Variants in AGAP1 observed in about 807,000 individuals in gnomAD.
AGAP1 encodes the protein arf-GAP with GTPase, ANK repeat and PH domain-containing protein 1.
AGAP1 carries 29 observed loss-of-function variants against 105.3 expected under a neutral mutation model. That is an observed-to-expected ratio of 0.28 (90% CI 0.21 to 0.38). The LOEUF (loss-of-function observed/expected upper bound fraction) is 0.38. Among genes scored for constraint, AGAP1 ranks in the 10% least tolerant of loss-of-function variants. The pLI is 1.00. For missense variants in AGAP1, 998 were observed against 1,165.1 expected, an observed-to-expected ratio of 0.86 and a Z score of 2.09; for synonymous variants, 509 against 485.9, an observed-to-expected ratio of 1.05 and a Z score of -0.63.
At chr2:235,575,609 A>G (rs956398514) in intron 1 of AGAP1, among the ~76,000 whole-genome samples, 1 of 152,160 alleles carries the variant, frequency 6.6e-6, no homozygotes, top group African/African-American at 2.4e-5. Context: ...CAGGTGTTTG[A>G]CACTAGTATC....
intron 13 of AGAP1, among the ~76,000 whole-genome samples, chr2:236,028,275 C>A (rs930739064): frequency 2.0e-5 from 3 of 152,150 alleles, no homozygotes; most frequent in African/African-American, 7.2e-5. Flanking sequence ...GGGTTTCATT[C>A]TCCGGGAGAG....
intron 1 of AGAP1, among the ~76,000 whole-genome samples, chr2:235,539,186 C>G (rs1156752682): frequency 6.6e-6 from 1 of 152,226 alleles, no homozygotes; most frequent in Non-Finnish European, 1.5e-5. Context: ...TGCATCTAAT[C>G]AGGACTTTTT....
intron 8 of AGAP1, among the ~76,000 whole-genome samples, 167 bp from the exon 9 acceptor site, chr2:235,807,072 G>A (rs1157717027): frequency 6.6e-6 from 1 of 152,238 alleles, no homozygotes; most frequent in Non-Finnish European, 1.5e-5. Context: ...TGATGAGTCA[G>A]TGGAGATGAA....
rs1449630965 is a variant in AGAP1, at chr2:235,901,670, CAG to C, written c.1156-7066_1156-7065del. On this transcript the variant is annotated intron_variant, in intron 10 of 17. Coordinates refer to ENST00000304032, the MANE Select transcript of AGAP1 (RefSeq NM_001037131.3). This position sits in a 1 kb window ranked among gnomAD's most constrained non-coding sequence, Gnocchi z 4.3. ...CCAAGGCGGGTGGGTCACCTGAAGT[CAG>C]AAGTTGGAGACTAGTCTGGCCAACA... is the stretch of plus-strand genomic sequence containing the variant. 6.6e-6 allele frequency among the ~76,000 whole-genome samples: 1 copy of C among 152,172 alleles called. No homozygotes were observed. The highest frequency in any genetic ancestry group is 2.4e-5 in the African/African-American group (1 of 41,438).
chr2:235,796,858 G>T (rs1048742717), intron 6 of AGAP1, among the ~76,000 whole-genome samples: 1 of 152,164 alleles, frequency 6.6e-6, no homozygotes, highest in Non-Finnish European at 1.5e-5. Context: ...CAAATCAAAA[G>T]TGTAGTTATT....
chr2:235,965,729 G>A lies in AGAP1; in HGVS notation c.1484-2733G>A, dbSNP rs1293443034. Among the ~76,000 whole-genome samples the A allele has an allele frequency of 2.0e-5, 3 of 152,182 alleles. No homozygotes were observed. Among genetic ancestry groups the A allele is most frequent in the Non-Finnish European group, 2.9e-5 (2 of 68,036 alleles). ...GGGTAGTAACTTTGGATGAGTGTTT[G>A]CTGTTGAGACTGTGGCTTCAAGGGT... On this transcript the variant is annotated intron_variant, in intron 12 of 17. Coordinates refer to ENST00000304032, the MANE Select transcript of AGAP1 (RefSeq NM_001037131.3). This position sits in a 1 kb window ranked among gnomAD's most constrained non-coding sequence, Gnocchi z 5.8.
At chr2:235,980,984 C>T (rs2055068278) in intron 13 of AGAP1, among the ~76,000 whole-genome samples, 1 of 152,298 alleles carries the variant, frequency 6.6e-6, no homozygotes, top group Non-Finnish European at 1.5e-5. Context: ...TTTTTTGCCT[C>T]CTCCTGTTAT....
At chr2:235,816,528 C>T (rs1055019916) in intron 9 of AGAP1, among the ~76,000 whole-genome samples, 1 of 151,910 alleles carries the variant, frequency 6.6e-6, no homozygotes, top group South Asian at 2.1e-4. Flanking sequence ...AGGTTAAAAT[C>T]CCCACACGTG....
intron 1 of AGAP1, among the ~76,000 whole-genome samples, chr2:235,518,856 G>C (rs1488902183): frequency 6.6e-6 from 1 of 152,162 alleles, no homozygotes; most frequent in Non-Finnish European, 1.5e-5. Flanking sequence ...TTGCCTCGCG[G>C]GTGCACTTCG....
At chr2:235,533,906 C>T (rs1444456122) in intron 1 of AGAP1, among the ~76,000 whole-genome samples, 1 of 152,210 alleles carries the variant, frequency 6.6e-6, no homozygotes, top group African/African-American at 2.4e-5. Flanking sequence ...GCGCTTGCTG[C>T]TTAAACCATG....
chr2:235,617,757 CTAA>C (rs1946353035), intron 1 of AGAP1, among the ~76,000 whole-genome samples: 1 of 152,080 alleles, frequency 6.6e-6, no homozygotes, highest in Non-Finnish European at 1.5e-5. Flanking sequence ...TGCGGCCTGG[CTAA>C]TAGTTTGGAT....
intron 8 of AGAP1, among the ~76,000 whole-genome samples, chr2:235,807,029 C>T (rs910210371): frequency 2.0e-5 from 3 of 152,152 alleles, no homozygotes; most frequent in Non-Finnish European, 4.4e-5. Context: ...GTGGAAAAGT[C>T]AGGGGGAAAG....
At chr2:235,800,158 G>T (rs1957427505) in intron 8 of AGAP1, among the ~76,000 whole-genome samples, 1 of 150,300 alleles carries the variant, frequency 6.7e-6, no homozygotes, top group African/African-American at 2.5e-5. Context: ...CCAGGCTGGA[G>T]TGCAGTGGCT....
rs939884006 is a variant in AGAP1 at position 235,721,472 on chromosome 2, ATAT to A, written c.310+3832_310+3834del. On this transcript the variant is annotated intron_variant, in intron 3 of 17. Coordinates refer to ENST00000304032, the MANE Select transcript of AGAP1 (RefSeq NM_001037131.3). The surrounding 1 kb of genome is among the most constrained non-coding windows in gnomAD (Gnocchi z 4.5). ...ACCTCTTGGATTGACAGATTCCTTA[ATAT>A]TATGTGTGTGTGTGTGTGTGTGTGT... 1.3e-3 allele frequency among the ~76,000 whole-genome samples: 157 copies of A among 123,596 alleles called. No individual in the cohort carries two copies. Among genetic ancestry groups the A allele is most frequent in the African/African-American group, 4.4e-3 (151 of 34,588 alleles). The allele number at this position is 123,596 out of a possible 152,430, so 81.1% of individuals were successfully genotyped here. A position where few individuals can be genotyped will look rare whatever the true frequency, so the allele number is the denominator to read the frequency against.
intron 9 of AGAP1, among the ~76,000 whole-genome samples, chr2:235,878,450 C>G (rs536699437): frequency 7.2e-5 from 11 of 152,146 alleles, no homozygotes; most frequent in African/African-American, 2.4e-4. Context: ...GGCCCAGTCA[C>G]GTTCTGGGCT....
intron 13 of AGAP1, among the ~76,000 whole-genome samples, chr2:236,007,483 C>T (rs922998308): frequency 6.6e-6 from 1 of 152,140 alleles, no homozygotes; most frequent in East Asian, 1.9e-4. Flanking sequence ...CACAGCCCCT[C>T]AATTACGGCC....
intron 1 of AGAP1, among the ~76,000 whole-genome samples, chr2:235,538,460 T>TGC (rs923717903): frequency 1.3e-5 from 2 of 150,554 alleles, no homozygotes; most frequent in African/African-American, 5.0e-5. Context: ...TGTGTGTGTG[T>TGC]GCATGCTTGT....
At chr2:235,941,449 G>T (rs976516512) in intron 12 of AGAP1, among the ~76,000 whole-genome samples, 3 of 152,182 alleles carry the variant, frequency 2.0e-5, no homozygotes, top group Non-Finnish European at 2.9e-5. Context: ...GTCTCTCTAG[G>T]TACAAAAGAA....
chr2:235,750,619 A>G lies in AGAP1; in HGVS notation c.673+131A>G, dbSNP rs1953347799. 2.3e-6 allele frequency: 3 copies of G among 1,328,542 alleles called. No homozygotes were observed. Among genetic ancestry groups the G allele is most frequent in the Non-Finnish European group, 3.2e-6 (3 of 944,816 alleles). 82.3% of individuals were successfully genotyped at this position (1,328,542 alleles called of 1,614,324 possible). A position where few individuals can be genotyped will look rare whatever the true frequency, so the allele number is the denominator to read the frequency against. On this transcript the variant is annotated intron_variant, in intron 6 of 17. Coordinates refer to ENST00000304032, the MANE Select transcript of AGAP1 (RefSeq NM_001037131.3). This position sits in a 1 kb window ranked among gnomAD's most constrained non-coding sequence, Gnocchi z 5.3. ...CGTTGATGGGTGGGCATTAGTATCG[A>G]GAGCAGTCCATTCCAGAGGCAATTC...
Sources: gnomAD v4.1 joint callset for allele counts (sites outside exome capture counted in the v4.1 genomes callset) on GRCh38, gnomAD v4.1.1 for gene constraint, Gnocchi (gnomAD v3.1) non-coding constraint, MANE v1.5 for transcripts, NCBI Gene and HGNC (gene_info 2026-07-23, HGNC 2026-07-21) for gene names.